KHDRBS2: variants seen among roughly 807,000 people sequenced by gnomAD.
KHDRBS2 encodes KH RNA binding domain containing, signal transduction associated 2.
Under a neutral mutation model 44.3 loss-of-function variants are expected in KHDRBS2, and 26 were observed. That is an observed-to-expected ratio of 0.59 (90% CI 0.43 to 0.81). The LOEUF is 0.81. Among genes scored for constraint, KHDRBS2 ranks in the 40% least tolerant of loss-of-function variants. The pLI is 0.00. For missense variants in KHDRBS2, 476 were observed against 433.1 expected, an observed-to-expected ratio of 1.10 and a Z score of -0.88; for synonymous variants, 194 against 151.1, an observed-to-expected ratio of 1.28 and a Z score of -2.08.
intron 1 of KHDRBS2, among the ~76,000 whole-genome samples, chr6:62,186,433 C>T (rs1473145164): frequency 2.0e-5 from 3 of 151,990 alleles, no homozygotes; most frequent in Admixed American, 6.6e-5. Context: ...AACCAAACAT[C>T]GTGACAGTCA....
At chr6:61,703,435 T>C (rs1406265230) in intron 7 of KHDRBS2, among the ~76,000 whole-genome samples, 6 of 151,962 alleles carry the variant, frequency 3.9e-5, no homozygotes, top group Non-Finnish European at 7.4e-5. Flanking sequence ...GAGGGATATA[T>C]ATCTAACTAT....
intron 6 of KHDRBS2, among the ~76,000 whole-genome samples, chr6:61,773,933 T>C (rs571304998): frequency 6.6e-6 from 1 of 152,096 alleles, no homozygotes; most frequent in Non-Finnish European, 1.5e-5. Context: ...TTCTCAGGTT[T>C]GTCAAAGATC....
the KHDRBS2 span, among the ~76,000 whole-genome samples, chr6:61,555,690 C>T: frequency 6.6e-6 from 1 of 152,186 alleles, no homozygotes; most frequent in East Asian, 1.9e-4. Context: ...GTTTGTTTCG[C>T]TTGCTTGTAT....
intron 4 of KHDRBS2, among the ~76,000 whole-genome samples, chr6:61,974,781 A>C (rs1233769740): frequency 4.6e-5 from 7 of 151,760 alleles, no homozygotes; most frequent in Non-Finnish European, 1.0e-4. Context: ...AAATACAAAA[A>C]TTAGCTGGGC....
At chr6:61,630,850 G>T in the KHDRBS2 span, among the ~76,000 whole-genome samples, 1 of 152,170 alleles carries the variant, frequency 6.6e-6, no homozygotes, top group Non-Finnish European at 1.5e-5. Context: ...TTAGTGCTGA[G>T]TTGAATAGTG....
At chr6:62,217,945 C>T (rs1462847652) in intron 1 of KHDRBS2, among the ~76,000 whole-genome samples, 4 of 151,720 alleles carry the variant, frequency 2.6e-5, no homozygotes, top group Admixed American at 2.6e-4. Flanking sequence ...ACTTAAAAAT[C>T]TTATTAAAAG....
chr6:61,752,827 G>A (rs570345608), intron 6 of KHDRBS2, among the ~76,000 whole-genome samples: 15 of 152,102 alleles, frequency 9.9e-5, no homozygotes, highest in South Asian at 2.1e-4. Flanking sequence ...AAAATGAAGC[G>A]AATTATTTGA....
intron 2 of KHDRBS2, among the ~76,000 whole-genome samples, chr6:62,072,015 C>A (rs1437183581): frequency 1.3e-5 from 2 of 151,998 alleles, no homozygotes; most frequent in Middle Eastern, 3.2e-3. Context: ...CTTTTATTTC[C>A]TTGAGCAGTG....
chr6:61,971,593 T>C (rs1248818811), intron 4 of KHDRBS2, among the ~76,000 whole-genome samples: 1 of 152,054 alleles, frequency 6.6e-6, no homozygotes, highest in East Asian at 1.9e-4. Context: ...TGGCTGTGGG[T>C]CATCAATATT....
rs1366157893 is a variant in KHDRBS2, at chr6:62,106,246, G to T, written c.220-58252C>A. On this transcript the variant is annotated intron_variant, in intron 2 of 8. Coordinates refer to ENST00000281156, the MANE Select transcript of KHDRBS2 (RefSeq NM_152688.4). Reference sequence around the variant, plus strand: ...GTGTGGTGTGATGCTGAAAAAAAATGTATATTCTGTTGATTTGGGGTGGAG... The same window carrying T: ...GTGTGGTGTGATGCTGAAAAAAAATTTATATTCTGTTGATTTGGGGTGGAG... 2.6e-5 allele frequency among the ~76,000 whole-genome samples: 4 copies of T among 152,260 alleles called. No individual in the cohort carries two copies. In the South Asian group the frequency reaches 6.2e-4, roughly 24 times the overall value.
chr6:61,779,519 A>G (rs1383204842), intron 6 of KHDRBS2, among the ~76,000 whole-genome samples: 4 of 152,202 alleles, frequency 2.6e-5, no homozygotes, highest in Non-Finnish European at 5.9e-5. Flanking sequence ...GTGGCAAATA[A>G]TATACTTTCC....
chr6:62,069,649 G>A (rs1794530887), intron 2 of KHDRBS2, among the ~76,000 whole-genome samples: 2 of 151,874 alleles, frequency 1.3e-5, no homozygotes, highest in African/African-American at 4.8e-5. Context: ...TATTGCTCAT[G>A]CAAAGATGAT....
chr6:61,712,549 G>A (rs2127551447), intron 7 of KHDRBS2, among the ~76,000 whole-genome samples: 1 of 151,914 alleles, frequency 6.6e-6, no homozygotes, highest in African/African-American at 2.4e-5. Flanking sequence ...TATGATATTA[G>A]GACAGAGAGT....
At chr6:61,553,999 G>A in the KHDRBS2 span, among the ~76,000 whole-genome samples, 2 of 152,136 alleles carry the variant, frequency 1.3e-5, no homozygotes, top group Non-Finnish European at 2.9e-5. Context: ...GGAATGTTTT[G>A]TAGATGTCTC....
intron 4 of KHDRBS2, among the ~76,000 whole-genome samples, chr6:61,975,254 C>T (rs936951403): frequency 1.3e-5 from 2 of 152,128 alleles, no homozygotes; most frequent in Admixed American, 6.6e-5. Flanking sequence ...AAAATTAATC[C>T]CTTTCGCAGA....
intron 6 of KHDRBS2, among the ~76,000 whole-genome samples, chr6:61,844,884 A>T (rs1794152471): frequency 6.6e-6 from 1 of 152,144 alleles, no homozygotes; most frequent in African/African-American, 2.4e-5. Context: ...ACAGCACCTT[A>T]CACTTGATCT....
intron 6 of KHDRBS2, among the ~76,000 whole-genome samples, chr6:61,887,442 A>C (rs924500217): frequency 3.9e-5 from 6 of 152,194 alleles, no homozygotes; most frequent in Non-Finnish European, 5.9e-5. Context: ...AGGTCAATGA[A>C]AAAAAGCTTT....
intron 2 of KHDRBS2, among the ~76,000 whole-genome samples, chr6:62,089,384 G>A (rs1799067461): frequency 6.6e-6 from 1 of 152,086 alleles, no homozygotes; most frequent in Non-Finnish European, 1.5e-5. Context: ...GGAATCTCCT[G>A]GTCTGTGGGT....
At chr6:62,190,060 A>T (rs1181756422) in intron 1 of KHDRBS2, among the ~76,000 whole-genome samples, 2 of 152,124 alleles carry the variant, frequency 1.3e-5, no homozygotes, top group East Asian at 3.9e-4. Flanking sequence ...GTGATACTCT[A>T]ATATGCAAAG....
Sources: gnomAD v4.1 joint callset for allele counts (sites outside exome capture counted in the v4.1 genomes callset) on GRCh38, gnomAD v4.1.1 for gene constraint, MANE v1.5 for transcripts, NCBI Gene and HGNC (gene_info 2026-07-23, HGNC 2026-07-21) for gene names.